Variants in ADAM28 observed in about 807,000 individuals in gnomAD.
The protein encoded by ADAM28 is ADAM metallopeptidase domain 28, also known as disintegrin and metalloproteinase domain-containing protein 28.
ADAM28 carries 105 observed loss-of-function variants against 101.2 expected under a neutral mutation model. That is an observed-to-expected ratio of 1.04 (90% CI 0.89 to 1.22). The LOEUF (loss-of-function observed/expected upper bound fraction) is 1.22. ADAM28 is among the 50% of genes most tolerant of loss of function. ADAM28 has a pLI of 0.00. For synonymous variants in ADAM28, 322 were observed against 310.6 expected, an observed-to-expected ratio of 1.04 and a Z score of -0.39; for missense variants, 1,028 against 945.4, an observed-to-expected ratio of 1.09 and a Z score of -1.15.
At chr8:24,308,617 T>A (rs771034464) in intron 2 of ADAM28, 5 of 456,248 alleles carry the variant, frequency 1.1e-5, no homozygotes, top group South Asian at 7.7e-5. Context: ...TAACTTTTAT[T>A]TTCAATGCCC....
intron 1 of ADAM28, among the ~76,000 whole-genome samples, chr8:24,294,979 G>A (rs932656483): frequency 2.0e-5 from 3 of 152,114 alleles, no homozygotes; most frequent in Non-Finnish European, 4.4e-5. Flanking sequence ...GCAGTGCCTC[G>A]AATTCCTCCC....
At chr8:24,353,286 G>A (rs1385025321) in intron 21 of ADAM28, among the ~76,000 whole-genome samples, 1 of 151,906 alleles carries the variant, frequency 6.6e-6, no homozygotes, top group Non-Finnish European at 1.5e-5. Context: ...TGAAAAATGG[G>A]CCATATATAA....
rs1554524102 is a variant in ADAM28 at position 24,354,955 on chromosome 8, T to TATC, written c.*554_*556dup. ...TATAACTAAGAATTTAAAAATGTTTTATCATATATATTTGTATAATTAATT... is the reference window on the plus strand; with the variant it reads ...TATAACTAAGAATTTAAAAATGTTTTATCATCATATATATTTGTATAATTAATT... On this transcript the variant is annotated 3_prime_UTR_variant, in exon 23 of 23. Coordinates refer to ENST00000265769, the MANE Select transcript of ADAM28 (RefSeq NM_014265.6). The TATC allele has an allele frequency of 6.6e-6, 1 of 152,610 alleles. No homozygotes were observed. Among genetic ancestry groups the TATC allele is most frequent in the African/African-American group, 2.4e-5 (1 of 41,454 alleles). The allele number at this position is 152,610 out of a possible 1,614,324, so 9.5% of individuals were successfully genotyped here.
chr8:24,335,410 G>A (rs1563310977), intron 13 of ADAM28, 36 bp from the exon 14 acceptor site: 2 of 1,558,578 alleles, frequency 1.3e-6, no homozygotes, highest in Non-Finnish European at 1.7e-6. Flanking sequence ...AGCAGGTAGG[G>A]AGAATAAAAA....
intron 18 of ADAM28, among the ~76,000 whole-genome samples, chr8:24,343,967 T>C (rs1815107452): frequency 6.6e-6 from 1 of 152,198 alleles, no homozygotes; most frequent in South Asian, 2.1e-4. Flanking sequence ...GAATTATCTG[T>C]TTCTTTTGAG....
chr8:24,330,146 A>T (rs763696532), intron 11 of ADAM28, 31 bp downstream of exon 11: 8 of 1,600,782 alleles, frequency 5.0e-6, no homozygotes, highest in Non-Finnish European at 6.8e-6. Flanking sequence ...GGGACATGCT[A>T]TGTAGCCCTG....
At chr8:24,339,048 A>G (rs1487992257) in intron 14 of ADAM28, among the ~76,000 whole-genome samples, 3 of 151,908 alleles carry the variant, frequency 2.0e-5, no homozygotes, top group Admixed American at 1.3e-4. Context: ...CTTATTTTAC[A>G]GATGAGAAAA....
Position 24,313,418 on chromosome 8 carries a change from C to T in ADAM28, c.414C>T (p.Tyr138=). Reference sequence around the variant, plus strand: ...ACTTCAGTCAGGGGGATCAAAGATACTTTATTGAACCTTTAAGCCCCATAC... The same window carrying T: ...ACTTCAGTCAGGGGGATCAAAGATATTTTATTGAACCTTTAAGCCCCATAC... ...RGYFSQGDQR[Y]FIEPLSPIHR... The change falls in exon 6 of 23, where the codon TAC becomes TAT. Residue 138 remains tyrosine (Y), a synonymous_variant. Transcript: ENST00000265769. 6.2e-7 allele frequency: 1 copy of T among 1,612,174 alleles called. No homozygotes were observed. The highest frequency in any genetic ancestry group is 8.5e-7 in the Non-Finnish European group (1 of 1,179,236).
At chr8:24,343,225 G>T in intron 17 of ADAM28, 44 bp downstream of exon 17, 1 of 1,589,884 alleles carries the variant, frequency 6.3e-7, no homozygotes, top group South Asian at 1.1e-5. Context: ...TGAATCTTAT[G>T]ACATTCTAGG....
At chr8:24,317,447 T>G (rs1293626945) in intron 6 of ADAM28, among the ~76,000 whole-genome samples, 2 of 152,052 alleles carry the variant, frequency 1.3e-5, no homozygotes, top group Non-Finnish European at 2.9e-5. Context: ...GATAGTCTCT[T>G]CAATAAATAG....
At chr8:24,306,845 C>A (rs1335027276) in intron 2 of ADAM28, among the ~76,000 whole-genome samples, 1 of 152,122 alleles carries the variant, frequency 6.6e-6, no homozygotes, top group South Asian at 2.1e-4. Flanking sequence ...TCTGTCCTAT[C>A]CACAGATCTA....
At chr8:24,343,949 T>A (rs1187247779) in intron 18 of ADAM28, among the ~76,000 whole-genome samples, 4 of 152,240 alleles carry the variant, frequency 2.6e-5, no homozygotes, top group Non-Finnish European at 4.4e-5. Flanking sequence ...TGTTCAGTTC[T>A]ATTCTTTGAA....
At chr8:24,315,114 TTCC>T (rs1402483142) in intron 6 of ADAM28, among the ~76,000 whole-genome samples, 7 of 151,900 alleles carry the variant, frequency 4.6e-5, no homozygotes, top group African/African-American at 1.7e-4. Flanking sequence ...GGATTAAATT[TTCC>T]AATCAAAAGA....
At chr8:24,332,485 ACCAT>A (rs2129310715) in intron 12 of ADAM28, among the ~76,000 whole-genome samples, 171 bp from the exon 13 acceptor site, 1 of 152,242 alleles carries the variant, frequency 6.6e-6, no homozygotes, top group Admixed American at 6.5e-5. Context: ...TAAACAACAA[ACCAT>A]CAGTTGCTCC....
At chr8:24,338,871 T>G (rs183910083) in intron 14 of ADAM28, among the ~76,000 whole-genome samples, 111 of 152,280 alleles carry the variant, frequency 7.3e-4, no homozygotes, top group Non-Finnish European at 1.4e-3. Context: ...TTGTCAACCA[T>G]GTACTGCTGA....
intron 1 of ADAM28, among the ~76,000 whole-genome samples, chr8:24,299,530 ATTAG>A (rs1410571745): frequency 6.6e-6 from 1 of 152,142 alleles, no homozygotes; most frequent in Admixed American, 6.5e-5. Context: ...AATTGTGCAC[ATTAG>A]TTATTTTATT....
intron 18 of ADAM28, chr8:24,347,066 C>CT (rs1161194696): frequency 6.6e-6 from 1 of 151,992 alleles, no homozygotes; most frequent in Non-Finnish European, 1.5e-5. Flanking sequence ...TCATTTTCTT[C>CT]TTTTTCTCTA....
chr8:24,319,003 G>T (rs1811524230), intron 6 of ADAM28, among the ~76,000 whole-genome samples: 1 of 151,814 alleles, frequency 6.6e-6, no homozygotes, highest in Non-Finnish European at 1.5e-5. Flanking sequence ...CTGACCATGG[G>T]TCACAAACCC....
intron 14 of ADAM28, among the ~76,000 whole-genome samples, chr8:24,337,288 G>A (rs1814221625): frequency 6.6e-6 from 1 of 152,240 alleles, no homozygotes. Context: ...AGAAGCTCAT[G>A]TTTCCTTGGC....
Sources: gnomAD v4.1 joint callset for allele counts (sites outside exome capture counted in the v4.1 genomes callset) on GRCh38, gnomAD v4.1.1 for gene constraint, MANE v1.5 for transcripts, NCBI Gene and HGNC (gene_info 2026-07-23, HGNC 2026-07-21) for gene names.